ARID5B: variants seen among roughly 807,000 people sequenced by gnomAD.
The protein encoded by ARID5B is AT-rich interactive domain-containing protein 5B.
ARID5B carries 13 observed loss-of-function variants against 97.2 expected under a neutral mutation model. That is an observed-to-expected ratio of 0.13 (90% CI 0.09 to 0.21). ARID5B has a LOEUF of 0.21. ARID5B is among the 10% of genes least tolerant of loss of function. The pLI is 1.00. For synonymous variants in ARID5B, 556 were observed against 570.3 expected (o/e 0.97, Z 0.36); for missense variants, 1,210 against 1,465.3 (o/e 0.83, Z 2.84).
intron 7 of ARID5B, among the ~76,000 whole-genome samples, chr10:62,067,945 A>G (rs1440074357): frequency 1.3e-5 from 2 of 152,226 alleles, no homozygotes; most frequent in East Asian, 1.9e-4. Flanking sequence ...GGCCACACAC[A>G]GGCTGTTTTC....
At position 62,095,216 on chromosome 10, in the gene ARID5B, A is replaced by G; in HGVS notation, c.*2186A>G. The stretch of plus-strand genomic sequence containing the variant: ...CAAGCTAGAGGGGGGAAAAATCTCA[A>G]TTCCAGCTGGCAAGATGCTAGCCAG... On this transcript the variant is annotated 3_prime_UTR_variant, in exon 10 of 10. Transcript: ENST00000279873. 1 of 233,492 alleles carries G rather than the reference A, an allele frequency of 4.3e-6. No homozygotes were observed. 14.5% of individuals were successfully genotyped at this position (233,492 alleles called of 1,614,324 possible). A position where few individuals can be genotyped will look rare whatever the true frequency, so the allele number is the denominator to read the frequency against.
chr10:61,975,422 T>C (rs1838685334), intron 3 of ARID5B, among the ~76,000 whole-genome samples: 2 of 152,194 alleles, frequency 1.3e-5, no homozygotes, highest in South Asian at 4.1e-4. Context: ...CAGTGGGTAA[T>C]GTCTGCACAA....
At chr10:62,051,655 G>T (rs528488115) in intron 5 of ARID5B, among the ~76,000 whole-genome samples, 2 of 152,172 alleles carry the variant, frequency 1.3e-5, no homozygotes, top group Non-Finnish European at 2.9e-5. Context: ...GAAAGTGCAT[G>T]CATGCCTGAA....
intron 2 of ARID5B, among the ~76,000 whole-genome samples, chr10:61,905,870 TACTA>T (rs1180776043): frequency 6.6e-6 from 1 of 152,230 alleles, no homozygotes; most frequent in East Asian, 1.9e-4. Context: ...ATTAACAACT[TACTA>T]TTCATTTTAA....
intron 2 of ARID5B, among the ~76,000 whole-genome samples, chr10:61,904,428 T>A (rs1843673816): frequency 6.6e-6 from 1 of 152,236 alleles, no homozygotes; most frequent in South Asian, 2.1e-4. Flanking sequence ...GCTAGAAGTG[T>A]TGACAGTGAA....
intron 2 of ARID5B, among the ~76,000 whole-genome samples, chr10:61,908,705 C>T (rs1843745410): frequency 6.9e-6 from 1 of 143,978 alleles, no homozygotes; most frequent in African/African-American, 2.6e-5. Flanking sequence ...GAGGCTGAGG[C>T]AGGAGAATGG....
At chr10:61,953,797 C>G (rs903965300) in intron 3 of ARID5B, among the ~76,000 whole-genome samples, 1 of 152,142 alleles carries the variant, frequency 6.6e-6, no homozygotes, top group African/African-American at 2.4e-5. Flanking sequence ...TAGGGGTACC[C>G]AACACACAGT....
intron 3 of ARID5B, among the ~76,000 whole-genome samples, chr10:61,978,546 C>T (rs1339617504): frequency 2.0e-5 from 3 of 152,042 alleles, no homozygotes; most frequent in African/African-American, 7.2e-5. Context: ...TGAGCAGTGG[C>T]TTGTAGTTCT....
chr10:62,028,618 A>C (rs2132901152), intron 4 of ARID5B, among the ~76,000 whole-genome samples: 1 of 152,250 alleles, frequency 6.6e-6, no homozygotes, highest in South Asian at 2.1e-4. Flanking sequence ...TACTCACTTC[A>C]AGGGGATATA....
At chr10:61,995,578 A>T (rs189777990) in intron 3 of ARID5B, among the ~76,000 whole-genome samples, 1 of 152,244 alleles carries the variant, frequency 6.6e-6, no homozygotes, top group African/African-American at 2.4e-5. Flanking sequence ...TCTCTCCCCA[A>T]ACTCAAAATT....
rs765547593 is a variant in ARID5B at position 62,091,440 on chromosome 10, C to T, written c.1977C>T (p.Asp659=). The change falls in exon 10 of 10, where the codon GAC becomes GAT. Residue 659 remains aspartate (D), a synonymous_variant. Coordinates refer to ENST00000279873, the MANE Select transcript of ARID5B (RefSeq NM_032199.3). ...TCCAGTCGTTTGACATGTTCAAAGACAAAGACCTGACTGGGCCCATGAACG... is the reference window on the plus strand; with the variant it reads ...TCCAGTCGTTTGACATGTTCAAAGATAAAGACCTGACTGGGCCCATGAACG... ...LVVQSFDMFK[D]KDLTGPMNEN... 4 of 1,611,748 alleles carry T rather than the reference C, an allele frequency of 2.5e-6. No homozygotes were observed. The highest frequency in any genetic ancestry group is 4.5e-5 in the East Asian group (2 of 44,860).
chr10:61,995,507 G>A (rs996462516), intron 3 of ARID5B, among the ~76,000 whole-genome samples: 6 of 152,164 alleles, frequency 3.9e-5, no homozygotes, highest in Non-Finnish European at 8.8e-5. Flanking sequence ...TCAGAAGGAA[G>A]TTAATTTAAT....
At chr10:62,059,694 A>G (rs1354239374) in intron 7 of ARID5B, among the ~76,000 whole-genome samples, 5 of 152,192 alleles carry the variant, frequency 3.3e-5, no homozygotes, top group Non-Finnish European at 7.4e-5. Context: ...AGTAATCAGT[A>G]TTGGCCATTA....
At chr10:61,986,562 CG>C (rs1334792206) in intron 3 of ARID5B, among the ~76,000 whole-genome samples, 2 of 151,974 alleles carry the variant, frequency 1.3e-5, no homozygotes, top group Non-Finnish European at 2.9e-5. Flanking sequence ...GGTGAGGAAG[CG>C]GATGGGAGAG....
chr10:61,981,433 C>T (rs950826850), intron 3 of ARID5B, among the ~76,000 whole-genome samples: 31 of 152,198 alleles, frequency 2.0e-4, no homozygotes, highest in Non-Finnish European at 4.3e-4. Flanking sequence ...AGGAGCATAC[C>T]ACCACACCCA....
Position 62,066,101 on chromosome 10 carries a change from T to C in ARID5B, c.1102-3599T>C, listed in dbSNP as rs1320012043. On this transcript the variant is annotated intron_variant, in intron 7 of 9. Coordinates refer to ENST00000279873, the MANE Select transcript of ARID5B (RefSeq NM_032199.3). ...AGCTTACCCACATCGAGAGAGGACA[T>C]TGGACAACAGAATAAAAACTATAAG... Among the ~76,000 whole-genome samples the C allele has an allele frequency of 3.3e-5, 5 of 152,132 alleles. 1 individual carries two copies. In the South Asian group the frequency reaches 8.3e-4, roughly 25 times the overall value.
At chr10:61,908,237 C>T (rs935897034) in intron 2 of ARID5B, among the ~76,000 whole-genome samples, 1 of 152,196 alleles carries the variant, frequency 6.6e-6, no homozygotes, top group African/African-American at 2.4e-5. Flanking sequence ...GTGCTCAGTA[C>T]TCTGCTAGGT....
intron 3 of ARID5B, among the ~76,000 whole-genome samples, chr10:61,966,947 G>T (rs888039625): frequency 2.6e-5 from 4 of 151,882 alleles, no homozygotes; most frequent in African/African-American, 9.7e-5. Context: ...AATTCTGCCC[G>T]CATTTTATTA....
intron 5 of ARID5B, among the ~76,000 whole-genome samples, chr10:62,052,669 C>T (rs530972906): frequency 2.0e-4 from 30 of 152,228 alleles, no homozygotes; most frequent in African/African-American, 7.2e-5. Flanking sequence ...TTCACAAAGC[C>T]GAGAAGAACA....
Sources: gnomAD v4.1 joint callset for allele counts (sites outside exome capture counted in the v4.1 genomes callset) on GRCh38, gnomAD v4.1.1 for gene constraint, MANE v1.5 for transcripts, NCBI Gene and HGNC (gene_info 2026-07-23, HGNC 2026-07-21) for gene names.